The following APOB variants were observed in gnomAD, a reference collection of about 807,000 sequenced individuals.
The protein encoded by APOB is apolipoprotein B-100.
A neutral mutation model predicts 314.1 loss-of-function variants in APOB; 153 were observed. The ratio of observed to expected loss-of-function variants is 0.49; its 90% CI spans 0.43 to 0.56. The LOEUF (loss-of-function observed/expected upper bound fraction) is 0.56. Among genes scored for constraint, APOB ranks in the 20% least tolerant of loss-of-function variants. The pLI is 0.00. For synonymous variants in APOB, 2,087 were observed against 2,036.4 expected (o/e 1.02, Z -0.67); for missense variants, 5,430 against 5,350.7 (o/e 1.01, Z -0.46).
chr2:21,023,854 G>C (rs969431494), intron 16 of APOB, 162 bp from the exon 17 acceptor site: 3 of 583,158 alleles, frequency 5.1e-6, no homozygotes, highest in Non-Finnish European at 8.5e-6. Context: ...AGATCAAACT[G>C]ATGTTTTTAC....
rs1209254073 is a variant in APOB, at chr2:21,005,657, T to C, written c.11211A>G (p.Leu3737=). 2 of 1,613,958 alleles carry C rather than the reference T, an allele frequency of 1.2e-6. No homozygotes were observed. ...ADKFIIPGLK[L]NDLNSVLVMP... ...TGACAAGAACTGAATTTAGATCATT[T>C]AGTTTCAGCCCAGGAATAATGAATT... The change falls in exon 26 of 29, where the codon CTA becomes CTG. Residue 3737 remains leucine (L), a synonymous_variant. Transcript: ENST00000233242.
At position 21,026,861 on chromosome 2, in the gene APOB, C is replaced by A; in HGVS notation, c.2171G>T (p.Gly724Val). The A allele has an allele frequency of 6.2e-7, 1 of 1,614,120 alleles. No individual in the cohort carries two copies. The highest frequency in any genetic ancestry group is 1.1e-5 in the South Asian group (1 of 91,084). ...CTTAGAGACACCATCAGGAACTTGA[C>A]CATTAACCCAGTACAAAGCTTTGTT... ...SVNKALYWVN[G>V]QVPDGVSKVL... Residue 724 changes from glycine (G) to valine (V), a missense_variant, in exon 15 of 29, where the codon GGT (glycine) becomes GTT (valine). By Grantham distance (109) the Gly-to-Val change is moderately radical (BLOSUM62 -3). This residue lies in a region of APOB where 2,085 missense variants were observed against 2,079.7 expected (regional missense o/e 1.00). Coordinates refer to ENST00000233242, the MANE Select transcript of APOB (RefSeq NM_000384.3).
At position 21,032,381 on chromosome 2, in the gene APOB, A is replaced by T; in HGVS notation, c.1325T>A (p.Leu442Ter). ...GTTGACCGCGTGGCTCAGCGCATAC[A>T]AGGTGGCTCGGCTGCGCTGATCCCT... ...MARDQRSRAT[L>*]YALSHAVNNY... The change falls in exon 10 of 29, where the codon TTG becomes TAG. Residue 442 changes from leucine to a stop codon, truncating the protein, a stop_gained. Transcript: ENST00000233242. LOFTEE classifies it high-confidence loss of function. 2.5e-6 allele frequency: 4 copies of T among 1,613,894 alleles called. No individual in the cohort carries two copies. Among genetic ancestry groups the T allele is most frequent in the Non-Finnish European group, 3.4e-6 (4 of 1,180,026 alleles).
At chr2:21,025,316 G>C (rs370073595) in intron 15 of APOB, among the ~76,000 whole-genome samples, 192 bp from the exon 16 acceptor site, 3 of 152,156 alleles carry the variant, frequency 2.0e-5, no homozygotes, top group Admixed American at 6.5e-5. Flanking sequence ...GTCAGGGATA[G>C]TGGCACTCCT....
rs1558570194 is a variant in APOB, at chr2:21,023,048, A to T, written c.2605-6T>A. On this transcript the variant is annotated splice_region_variant and splice_polypyrimidine_tract_variant and intron_variant, in intron 17 of 28. Transcript: ENST00000233242. ...GCCACCAGTTCAGCCTGCATCTATA[A>T]GTCAGAAAACAACCTATTCAGATTC... 8 of 1,613,734 alleles carry T rather than the reference A, an allele frequency of 5.0e-6. No homozygotes were observed. The highest frequency in any genetic ancestry group is 1.3e-5 in the African/African-American group (1 of 74,916).
Position 21,043,554 on chromosome 2 carries a change from G to GT in APOB, c.83-4dup. On this transcript the variant is annotated splice_polypyrimidine_tract_variant and splice_region_variant and intron_variant, in intron 1 of 28. Coordinates refer to ENST00000233242, the MANE Select transcript of APOB (RefSeq NM_000384.3). ...GACATTTTCCAGCATTTCCTCTTCTGTAAGACAGGAGAAAGAAATCTGTGA... is the reference window on the plus strand; with the variant it reads ...GACATTTTCCAGCATTTCCTCTTCTGTTAAGACAGGAGAAAGAAATCTGTGA... The GT allele has an allele frequency of 6.2e-7, 1 of 1,601,340 alleles. No homozygotes were observed.
rs1303336384 is a variant in APOB at position 21,013,541 on chromosome 2, G to A, written c.3843-8C>T. 6.2e-7 allele frequency: 1 copy of A among 1,613,932 alleles called. No individual in the cohort carries two copies. The highest frequency in any genetic ancestry group is 1.3e-5 in the African/African-American group (1 of 75,020). ...TATTTGACCCGGCCATCGCTGAAAT[G>A]AACAACAAAGATAACATCCCCACAG... On this transcript the variant is annotated splice_polypyrimidine_tract_variant and splice_region_variant and intron_variant, in intron 24 of 28. Coordinates refer to ENST00000233242, the MANE Select transcript of APOB (RefSeq NM_000384.3).
In APOB at chr2:21,011,807, A is replaced by G; in HGVS notation, c.5061T>C (p.Asn1687=). Residue 1687 remains asparagine (N), a synonymous_variant, in exon 26 of 29, where the codon AAT becomes AAC. Transcript: ENST00000233242. ...LSGASMKLTT[N]GRFREHNAKF... ...TTGCATTGTGTTCCCTGAAGCGGCC[A>G]TTTGTTGTTAATTTCATAGATGCCC... is the stretch of plus-strand genomic sequence containing the variant. 3 of 1,614,056 alleles carry G rather than the reference A, an allele frequency of 1.9e-6. No individual in the cohort carries two copies. The highest frequency in any genetic ancestry group is 2.5e-6 in the Non-Finnish European group (3 of 1,180,000).
At chr2:21,038,318 TTTTTTTTC>T (rs1012788110) in intron 4 of APOB, among the ~76,000 whole-genome samples, 9 of 152,190 alleles carry the variant, frequency 5.9e-5, no homozygotes, top group South Asian at 2.1e-4. Context: ...TGGTGATTCT[TTTTTTTTC>T]TTTTTTTCTT....
At chr2:21,032,055 T>C (rs775668174) in intron 10 of APOB, among the ~76,000 whole-genome samples, 48 of 152,230 alleles carry the variant, frequency 3.2e-4, no homozygotes, top group Non-Finnish European at 6.3e-4. Flanking sequence ...GCAAATATAA[T>C]AACACTTAAA....
intron 7 of APOB, among the ~76,000 whole-genome samples, chr2:21,035,366 CT>C (rs1202052405): frequency 6.6e-6 from 1 of 152,116 alleles, no homozygotes; most frequent in African/African-American, 2.4e-5. Flanking sequence ...AAGAATGGGT[CT>C]TAGATATCTT....
intron 18 of APOB, 144 bp from the exon 19 acceptor site, chr2:21,020,049 CAAAT>C: frequency 1.3e-6 from 1 of 766,804 alleles, no homozygotes; most frequent in Non-Finnish European, 2.3e-6. Context: ...TACTGAGAAA[CAAAT>C]AATATTAGAA....
In APOB at chr2:21,029,972, T is replaced by G. The variant is rs1306049892; in HGVS notation, c.1396A>C (p.Ile466Leu). The change falls in exon 11 of 29, where the codon ATT becomes CTT. Residue 466 changes from isoleucine to leucine, a missense_variant. By Grantham distance (5) the Ile-to-Leu change is conservative. Around this residue, in one of 3 missense-constraint regions of APOB, gnomAD observed 2,085 missense variants for 2,079.7 expected, o/e 1.00. Transcript: ENST00000233242. ...NPTGTQELLD[I>L]ANYLMEQIQD... The stretch of plus-strand genomic sequence containing the variant: ...ATCTGTTCCATCAGGTAATTAGCAA[T>G]GTCCAGCAGCTCCTGGGTCCCTGTA... The G allele has an allele frequency of 1.9e-6, 3 of 1,613,930 alleles. No individual in the cohort carries two copies. In the Admixed American group the frequency reaches 5.0e-5, roughly 27 times the overall value.
In APOB at chr2:21,023,176, T is replaced by C. The variant is rs543297661; in HGVS notation, c.2605-134A>G. On this transcript the variant is annotated intron_variant, in intron 17 of 28. Transcript: ENST00000233242. ...GACCTTTGGAAACATTACTGGGATT[T>C]GTTTGGAAGAAGGAAAGCGAGTTCT... is the stretch of plus-strand genomic sequence containing the variant. 2.6e-5 allele frequency: 23 copies of C among 875,900 alleles called. No homozygotes were observed. The South Asian group carries it at 3.3e-4, about 13-fold the overall frequency. The allele number at this position is 875,900 out of a possible 1,614,324, so 54.3% of individuals were successfully genotyped here.
chr2:21,042,597 T>G lies in APOB; in HGVS notation c.122-121A>C, dbSNP rs1037311249. ...AAAATGGTAATTCAACTCAAATTAT[T>G]TTTTAATTGACTTTATACTTAATTT... On this transcript the variant is annotated intron_variant, in intron 2 of 28. Coordinates refer to ENST00000233242, the MANE Select transcript of APOB (RefSeq NM_000384.3). The G allele has an allele frequency of 9.3e-6, 7 of 753,008 alleles. No individual in the cohort carries two copies. The African/African-American group carries it at 1.0e-4, about 11-fold the overall frequency. 46.6% of individuals were successfully genotyped at this position (753,008 alleles called of 1,614,324 possible).
intron 10 of APOB, among the ~76,000 whole-genome samples, chr2:21,031,723 A>C (rs147437337): frequency 7.9e-5 from 12 of 152,236 alleles, no homozygotes; most frequent in African/African-American, 2.9e-4. Flanking sequence ...GGTAGCATGC[A>C]CCTGTGGTCC....
At chr2:21,016,989 AT>A (rs71310113) in intron 20 of APOB, among the ~76,000 whole-genome samples, 4,037 of 112,810 alleles carry the variant, frequency 0.036, 191 homozygotes, top group African/African-American at 0.13. Context: ...ATCTCAAAAA[AT>A]AAATAAATAA....
chr2:21,009,764 G>C lies in APOB; in HGVS notation c.7104C>G (p.Tyr2368Ter). 2 of 1,613,940 alleles carry C rather than the reference G, an allele frequency of 1.2e-6. No individual in the cohort carries two copies. Among genetic ancestry groups the C allele is most frequent in the Middle Eastern group, 3.3e-4 (2 of 6,060 alleles). ...MDKLVELAHQ[Y>*]KLKETIQKLS... is the part of the protein sequence containing the mutation. ...GCTTCTGAATAGTCTCCTTCAACTT[G>C]TATTGGTGGGCCAACTCTACTAATT... Residue 2368 changes from tyrosine to a stop codon, truncating the protein, a stop_gained, in exon 26 of 29, where the codon TAC becomes TAG. Transcript: ENST00000233242. LOFTEE classifies it high-confidence loss of function.
intron 16 of APOB, chr2:21,024,667 A>G (rs1218957011): frequency 6.5e-6 from 4 of 615,220 alleles, no homozygotes; most frequent in Non-Finnish European, 1.2e-5. Flanking sequence ...AGGTAGAGGA[A>G]GGTATACCGA....
Sources: allele counts gnomAD v4.1 joint callset (sites outside exome capture counted in the v4.1 genomes callset), GRCh38; gene constraint gnomAD v4.1.1; regional missense constraint gnomAD v4.1.1; transcripts MANE v1.5; gene names NCBI Gene and HGNC (gene_info 2026-07-23, HGNC 2026-07-21).